Variants in SCAPER observed in about 807,000 individuals in gnomAD.
SCAPER encodes the protein S-phase cyclin A associated protein in the ER.
A neutral mutation model predicts 182.2 loss-of-function variants in SCAPER; 98 were observed. The ratio of observed to expected loss-of-function variants is 0.54; its 90% CI spans 0.46 to 0.64. SCAPER has a LOEUF of 0.64. Ranked by LOEUF, SCAPER falls within the 30% of genes least tolerant of loss-of-function variation. SCAPER has a pLI of 0.00. For synonymous variants in SCAPER, 605 were observed against 564.6 expected (o/e 1.07, Z -1.01); for missense variants, 1,432 against 1,690.0 (o/e 0.85, Z 2.68).
intron 21 of SCAPER, among the ~76,000 whole-genome samples, chr15:76,650,739 A>G (rs1458944012): frequency 6.6e-6 from 1 of 152,140 alleles, no homozygotes; most frequent in East Asian, 1.9e-4. Flanking sequence ...CAAGTAAATA[A>G]GCAATATTGT....
rs2074925667 is a variant in SCAPER at position 76,903,750 on chromosome 15, GA to G, written c.-60+1548del. The stretch of plus-strand genomic sequence containing the variant: ...TTAATGCAGCTCAAGGGAGTGTGGA[GA>G]AAGAAGGAAAAGAGCATTTGTTGAG... On this transcript the variant is annotated intron_variant, in intron 1 of 31. Coordinates refer to ENST00000563290, the MANE Select transcript of SCAPER (RefSeq NM_020843.4). Among the ~76,000 whole-genome samples, 10 of 152,314 alleles carry G rather than the reference GA, an allele frequency of 6.6e-5. No individual in the cohort carries two copies. In the South Asian group the frequency reaches 1.9e-3, roughly 28 times the overall value.
intron 23 of SCAPER, among the ~76,000 whole-genome samples, chr15:76,543,159 G>A (rs148119568): frequency 6.4e-4 from 98 of 152,204 alleles, no homozygotes; most frequent in African/African-American, 2.2e-3. Flanking sequence ...TGCATTGAGT[G>A]TCAACAAAGG....
chr15:76,493,338 A>G (rs2052517814), intron 24 of SCAPER, among the ~76,000 whole-genome samples: 1 of 152,216 alleles, frequency 6.6e-6, no homozygotes, highest in Non-Finnish European at 1.5e-5. Context: ...CATAATCTTC[A>G]ACTAGATGTG....
intron 23 of SCAPER, among the ~76,000 whole-genome samples, chr15:76,557,484 A>T (rs531793891): frequency 6.6e-6 from 1 of 152,294 alleles, no homozygotes; most frequent in South Asian, 2.1e-4. Context: ...TGGGCTTCTT[A>T]TGAATGGTTT....
At position 76,348,552 on chromosome 15, in the gene SCAPER, T is replaced by G; in HGVS notation, c.*81A>C. On this transcript the variant is annotated 3_prime_UTR_variant, in exon 32 of 32. Coordinates refer to ENST00000563290, the MANE Select transcript of SCAPER (RefSeq NM_020843.4). ...AGAGTATAAACATGGGAAAATGAGT[T>G]CTTAAGGAACAATTAGAATGTTTGT... is the stretch of plus-strand genomic sequence containing the variant. 1 of 963,726 alleles carries G rather than the reference T, an allele frequency of 1.0e-6. No individual in the cohort carries two copies. The allele number at this position is 963,726 out of a possible 1,614,324, so 59.7% of individuals were successfully genotyped here.
At position 76,733,174 on chromosome 15, in the gene SCAPER, A is replaced by G; in HGVS notation, c.2022+55T>C. On this transcript the variant is annotated intron_variant, in intron 16 of 31. Transcript: ENST00000563290. Reference sequence around the variant, plus strand: ...AAACCCACCGACCCTGCGGGGCTGGACCCTACAAATATGACAGGTGCTCAA... The same window carrying G: ...AAACCCACCGACCCTGCGGGGCTGGGCCCTACAAATATGACAGGTGCTCAA... 3 of 1,514,742 alleles carry G rather than the reference A, an allele frequency of 2.0e-6. No homozygotes were observed. The Admixed American group carries it at 6.1e-5, about 31-fold the overall frequency. The allele number at this position is 1,514,742 out of a possible 1,614,324, so 93.8% of individuals were successfully genotyped here.
intron 17 of SCAPER, among the ~76,000 whole-genome samples, chr15:76,724,324 G>T (rs1326673876): frequency 1.3e-5 from 2 of 152,136 alleles, no homozygotes; most frequent in Non-Finnish European, 2.9e-5. Flanking sequence ...TCCCTTTGTG[G>T]CTAACCCAAC....
intron 25 of SCAPER, among the ~76,000 whole-genome samples, chr15:76,456,877 A>G (rs1376716832): frequency 6.6e-6 from 1 of 152,224 alleles, no homozygotes; most frequent in Non-Finnish European, 1.5e-5. Context: ...CAGTGATATT[A>G]AATTCTACTC....
intron 21 of SCAPER, among the ~76,000 whole-genome samples, chr15:76,645,342 C>T (rs1392316722): frequency 4.6e-5 from 7 of 152,074 alleles, no homozygotes; most frequent in Admixed American, 4.6e-4. Context: ...TATTCTTCTA[C>T]AAATATGTGC....
chr15:76,898,976 A>G (rs1252260130), intron 1 of SCAPER, among the ~76,000 whole-genome samples: 4 of 152,228 alleles, frequency 2.6e-5, no homozygotes, highest in Non-Finnish European at 4.4e-5. Flanking sequence ...CTAATCCAAA[A>G]TGTCCAAAAT....
Position 76,705,847 on chromosome 15 carries a change from C to A in SCAPER, c.2247+56G>T. On this transcript the variant is annotated intron_variant, in intron 18 of 31. Coordinates refer to ENST00000563290, the MANE Select transcript of SCAPER (RefSeq NM_020843.4). ...AATTTTTTTCCTACAAAATTTTGAT[C>A]TCATGCTCCACTGTAAGCTCTAAAA... The A allele has an allele frequency of 2.5e-6, 3 of 1,189,350 alleles. No individual in the cohort carries two copies. The South Asian group carries it at 4.4e-5, about 17-fold the overall frequency. The allele number at this position is 1,189,350 out of a possible 1,614,324, so 73.7% of individuals were successfully genotyped here. A position where few individuals can be genotyped will look rare whatever the true frequency, so the allele number is the denominator to read the frequency against.
chr15:76,712,823 T>C (rs1448728996), intron 17 of SCAPER, among the ~76,000 whole-genome samples: 1 of 151,922 alleles, frequency 6.6e-6, no homozygotes, highest in East Asian at 1.9e-4. Context: ...GCTTATCAGC[T>C]TAAGGAGATT....
intron 4 of SCAPER, among the ~76,000 whole-genome samples, chr15:76,848,600 C>G (rs1028807587): frequency 3.3e-5 from 5 of 152,128 alleles, no homozygotes; most frequent in African/African-American, 1.2e-4. Flanking sequence ...TCCCAAAGTG[C>G]TGGGATTATA....
rs747000427 is a variant in SCAPER, at chr15:76,471,202, T to C, written c.3078+10A>G. ...AACTGCTTCTAACTCAAAGCAATAA[T>C]ATTACATACCGTCAACTGGTGTATC... On this transcript the variant is annotated intron_variant, in intron 25 of 31. Transcript: ENST00000563290. The C allele has an allele frequency of 5.0e-6, 8 of 1,594,652 alleles. No individual in the cohort carries two copies. Among genetic ancestry groups the C allele is most frequent in the Non-Finnish European group, 6.0e-6 (7 of 1,171,732 alleles).
At chr15:76,511,859 G>GTGTGTGTGTGTC (rs1353694980) in intron 23 of SCAPER, among the ~76,000 whole-genome samples, 2 of 110,350 alleles carry the variant, frequency 1.8e-5, no homozygotes, top group African/African-American at 7.5e-5. Flanking sequence ...GTGTGTGTGT[G>GTGTGTGTGTGTC]TGTGTGTGTG....
At chr15:76,420,052 G>C (rs1408867804) in intron 26 of SCAPER, among the ~76,000 whole-genome samples, 3 of 152,014 alleles carry the variant, frequency 2.0e-5, no homozygotes, top group Admixed American at 2.0e-4. Context: ...ATCATTTCAA[G>C]AGATACAGAA....
chr15:76,682,351 G>C (rs921966215), intron 20 of SCAPER, among the ~76,000 whole-genome samples: 10 of 146,756 alleles, frequency 6.8e-5, no homozygotes, highest in African/African-American at 2.5e-4. Flanking sequence ...GATGCCCCCA[G>C]CTGAAAGGGA....
intron 11 of SCAPER, among the ~76,000 whole-genome samples, chr15:76,766,558 G>A (rs934660063): frequency 2.0e-5 from 3 of 151,418 alleles, no homozygotes; most frequent in Admixed American, 1.3e-4. Context: ...GGCTGGTCTC[G>A]AACTCCTATC....
Position 76,765,021 on chromosome 15 carries a change from C to A in SCAPER, c.1665G>T (p.Gln555His). Residue 555 changes from glutamine (Q) to histidine (H), a missense_variant, in exon 14 of 32, where the codon CAG (glutamine) becomes CAT (histidine). Gln to His is a conservative substitution (Grantham distance 24). Around this residue, in one of 5 missense-constraint regions of SCAPER, gnomAD observed 128 missense variants for 149.9 expected, o/e 0.85. Transcript: ENST00000563290. ...KKHEEKQMKA[Q>H]QLREKLREEK... ...CTTCGCGTAACTTTTCCCTTAGCTG[C>A]TGTGCTTTCATTTGTTTTTCTTCAT... 6.2e-7 allele frequency: 1 copy of A among 1,603,454 alleles called. No individual in the cohort carries two copies.
Sources: gnomAD v4.1 joint callset for allele counts (sites outside exome capture counted in the v4.1 genomes callset) on GRCh38, gnomAD v4.1.1 for gene constraint, gnomAD v4.1.1 regional missense constraint, MANE v1.5 for transcripts, NCBI Gene and HGNC (gene_info 2026-07-23, HGNC 2026-07-21) for gene names.